CERK: variants seen among roughly 807,000 people sequenced by gnomAD.
CERK encodes acylsphingosine kinase.
A neutral mutation model predicts 63.4 loss-of-function variants in CERK; 39 were observed. The observed-to-expected ratio is 0.61, with a 90% CI of 0.48 to 0.80. CERK has a LOEUF of 0.80. Ranked by LOEUF, CERK falls within the 30% of genes least tolerant of loss-of-function variation. The pLI is 0.00. For synonymous variants in CERK, 302 were observed against 280.0 expected (o/e 1.08, Z -0.78); for missense variants, 670 against 714.1 (o/e 0.94, Z 0.70).
intron 1 of CERK, among the ~76,000 whole-genome samples, chr22:46,724,822 A>G (rs1489554820): frequency 1.3e-5 from 2 of 152,084 alleles, no homozygotes; most frequent in Non-Finnish European, 2.9e-5. Context: ...GATCGAGACC[A>G]CCCTGGCTAA....
intron 5 of CERK, among the ~76,000 whole-genome samples, chr22:46,710,473 T>C (rs938342747): frequency 6.6e-6 from 1 of 152,164 alleles, no homozygotes; most frequent in African/African-American, 2.4e-5. Context: ...AGAATCTCTT[T>C]CGAAAGCAAT....
intron 6 of CERK, among the ~76,000 whole-genome samples, chr22:46,703,901 C>T (rs916191647): frequency 2.6e-5 from 4 of 151,562 alleles, no homozygotes; most frequent in Non-Finnish European, 5.9e-5. Context: ...TCCCGAACAC[C>T]CCCAGCTCCT....
intron 1 of CERK, among the ~76,000 whole-genome samples, chr22:46,727,434 C>T (rs894225519): frequency 1.3e-4 from 19 of 147,468 alleles, no homozygotes; most frequent in African/African-American, 3.9e-4. Flanking sequence ...TGTGTGCCAC[C>T]ATGCCCAGCT....
chr22:46,724,083 G>T (rs778439684), intron 1 of CERK, among the ~76,000 whole-genome samples: 2 of 151,894 alleles, frequency 1.3e-5, no homozygotes, highest in Non-Finnish European at 2.9e-5. Flanking sequence ...CTCCACCACC[G>T]CTAAGACAGC....
At chr22:46,700,501 G>C (rs2082778335) in intron 7 of CERK, among the ~76,000 whole-genome samples, 2 of 152,248 alleles carry the variant, frequency 1.3e-5, no homozygotes, top group African/African-American at 4.8e-5. Flanking sequence ...CAAGGTGAGA[G>C]GATCACTTGA....
At chr22:46,736,470 A>C (rs2082974203) in intron 1 of CERK, among the ~76,000 whole-genome samples, 1 of 152,220 alleles carries the variant, frequency 6.6e-6, no homozygotes, top group Non-Finnish European at 1.5e-5. Context: ...GCCTCTCAGG[A>C]ACCCATCCGG....
At chr22:46,711,242 G>C (rs2082839585) in intron 4 of CERK, 93 bp from the exon 5 acceptor site, 1 of 919,858 alleles carries the variant, frequency 1.1e-6, no homozygotes. Context: ...ATGAGTTCCT[G>C]TAACACCTTC....
chr22:46,697,491 C>A lies in CERK; in HGVS notation c.943+1822G>T, dbSNP rs115118571. ...GTGGAGATGGGGTCTCCCTATGTCG[C>A]CCAGGCTGAAATTCTACTTTTCTTT... On this transcript the variant is annotated intron_variant, in intron 8 of 12. Transcript: ENST00000216264. Among the ~76,000 whole-genome samples, 747 of 151,628 alleles carry A rather than the reference C, an allele frequency of 4.9e-3. 6 individuals carry two copies. Among genetic ancestry groups the A allele is most frequent in the African/African-American group, 0.017 (706 of 41,150 alleles).
chr22:46,706,624 C>G (rs1218287135), intron 6 of CERK, among the ~76,000 whole-genome samples: 1 of 152,182 alleles, frequency 6.6e-6, no homozygotes, highest in Non-Finnish European at 1.5e-5. Context: ...AAGTTCCTCT[C>G]TATTAATAAC....
chr22:46,705,476 A>G (rs917950064), intron 6 of CERK, among the ~76,000 whole-genome samples: 5 of 152,030 alleles, frequency 3.3e-5, no homozygotes, highest in Non-Finnish European at 7.4e-5. Flanking sequence ...GTTTGAGACC[A>G]CCCTGGCCAA....
At chr22:46,727,451 T>TTC (rs66759329) in intron 1 of CERK, among the ~76,000 whole-genome samples, 566 of 22,282 alleles carry the variant, frequency 0.025, 21 homozygotes, top group East Asian at 0.21. Context: ...AGCTGTTTCT[T>TTC]TTTTTTTTTT....
rs1189667825 is a variant in CERK at position 46,698,284 on chromosome 22, ACTC to A, written c.943+1026_943+1028del. Among the ~76,000 whole-genome samples the A allele has an allele frequency of 3.3e-5, 5 of 151,708 alleles. No individual in the cohort carries two copies. The East Asian group carries it at 7.8e-4, about 24-fold the overall frequency. On this transcript the variant is annotated intron_variant, in intron 8 of 12. Coordinates refer to ENST00000216264, the MANE Select transcript of CERK (RefSeq NM_022766.6). ...GGAGTGCGGCGTGGCATTCGCTCCC[ACTC>A]CTCCTCCTCTGTGCCCACTGCGGCC...
In CERK at chr22:46,714,294, A is replaced by T. The variant is rs1945396644; in HGVS notation, c.380-2001T>A. Among the ~76,000 whole-genome samples, 2 of 152,160 alleles carry T rather than the reference A, an allele frequency of 1.3e-5. No homozygotes were observed. The highest frequency in any genetic ancestry group is 4.2e-4 in the South Asian group (2 of 4,816). On this transcript the variant is annotated intron_variant, in intron 3 of 12. Transcript: ENST00000216264. This position sits in a 1 kb window ranked among gnomAD's most constrained non-coding sequence, Gnocchi z 4.4. ...TCAAAATAAACAAACAAACAAACAAATTAGCTGGGTGTGGTGGTATGCCCT... is the reference window on the plus strand; with the variant it reads ...TCAAAATAAACAAACAAACAAACAATTTAGCTGGGTGTGGTGGTATGCCCT...
At chr22:46,697,227 G>T (rs1423430625) in intron 8 of CERK, among the ~76,000 whole-genome samples, 1 of 152,148 alleles carries the variant, frequency 6.6e-6, no homozygotes, top group Non-Finnish European at 1.5e-5. Context: ...ATCTGAAAGC[G>T]AACTGTAAAG....
rs762550293 is a variant in CERK at position 46,720,170 on chromosome 22, A to T, written c.295T>A (p.Trp99Arg). 1 of 1,614,002 alleles carries T rather than the reference A, an allele frequency of 6.2e-7. No homozygotes were observed. ...GGACACCAGAAAGTCACCTGCGCCC[A>T]CTTCCAGCGGTGCCGTCGTGCTCTC... ...VKRARRHRWK[W>R]AQVTFWCPEE... The change falls in exon 3 of 13, where the codon TGG (tryptophan) becomes AGG (arginine). Residue 99 changes from tryptophan (W) to arginine (R), a missense_variant. Coordinates refer to ENST00000216264, the MANE Select transcript of CERK (RefSeq NM_022766.6).
In CERK at chr22:46,726,387, A is replaced by G. The variant is rs146913745; in HGVS notation, c.143-5372T>C. Among the ~76,000 whole-genome samples the G allele has an allele frequency of 3.2e-3, 490 of 152,246 alleles. 2 individuals carry two copies. Among genetic ancestry groups the G allele is most frequent in the African/African-American group, 0.012 (484 of 41,548 alleles). ...TGCGCCCACTGGAGCAGTGCCAAGT[A>G]CAGTGTGGAAGTCTGTGGATCACAC... On this transcript the variant is annotated intron_variant, in intron 1 of 12. Transcript: ENST00000216264.
intron 10 of CERK, 150 bp downstream of exon 10, chr22:46,693,277 T>A: frequency 6.2e-6 from 4 of 644,946 alleles, no homozygotes; most frequent in Non-Finnish European, 8.3e-6. Flanking sequence ...TGACGCTGCC[T>A]GGGGCTAAGA....
At position 46,687,260 on chromosome 22, in the gene CERK, G is replaced by GC. The variant is rs200846255; in HGVS notation, c.1542-55dup. The GC allele has an allele frequency of 3.8e-5, 55 of 1,460,524 alleles. No homozygotes were observed. In the African/African-American group the frequency reaches 7.9e-4, roughly 21 times the overall value. The allele number at this position is 1,460,524 out of a possible 1,614,324, so 90.5% of individuals were successfully genotyped here. On this transcript the variant is annotated intron_variant, in intron 12 of 12. Transcript: ENST00000216264. ...CCCACGTGTCCCTCACTCAAAGCTG[G>GC]CCTGAGCCCCACTCCTGGACAGGGG...
intron 11 of CERK, among the ~76,000 whole-genome samples, chr22:46,691,042 CATGTATACATACAT>C (rs2082728430): frequency 1.0e-4 from 13 of 129,864 alleles, no homozygotes; most frequent in African/African-American, 3.5e-4. Context: ...CATACACACA[CATGTATACATACAT>C]ACACACACAC....
Sources: allele counts gnomAD v4.1 joint callset (sites outside exome capture counted in the v4.1 genomes callset), GRCh38; gene constraint gnomAD v4.1.1; non-coding constraint Gnocchi (gnomAD v3.1); transcripts MANE v1.5; gene names NCBI Gene and HGNC (gene_info 2026-07-23, HGNC 2026-07-21).